Variants in SGCZ observed in about 807,000 individuals in gnomAD.
SGCZ encodes zeta-sarcoglycan.
SGCZ carries 40 observed loss-of-function variants against 41.3 expected under a neutral mutation model. The ratio of observed to expected loss-of-function variants is 0.97; its 90% confidence interval spans 0.75 to 1.26. SGCZ has a LOEUF of 1.26. SGCZ is among the 50% of genes most tolerant of loss of function. The pLI, the probability that SGCZ is intolerant of heterozygous loss-of-function variation, is 0.00. For missense variants in SGCZ, 552 were observed against 369.8 expected, an observed-to-expected ratio of 1.49 and a Z score of -4.04; for synonymous variants, 206 against 137.5, an observed-to-expected ratio of 1.50 and a Z score of -3.49.
intron 2 of SGCZ, among the ~76,000 whole-genome samples, chr8:14,394,549 G>A (rs1585447319): frequency 6.6e-6 from 1 of 152,214 alleles, no homozygotes; most frequent in South Asian, 2.1e-4. Context: ...TGATTCCTGA[G>A]ATCATGGTTG....
At chr8:15,015,087 G>T (rs2130932578) in intron 1 of SGCZ, among the ~76,000 whole-genome samples, 1 of 152,036 alleles carries the variant, frequency 6.6e-6, no homozygotes, top group East Asian at 2.0e-4. Context: ...ACTAAAAAAT[G>T]CAAAAATTAC....
At chr8:14,213,019 C>A (rs2117100171) in intron 4 of SGCZ, among the ~76,000 whole-genome samples, 1 of 151,842 alleles carries the variant, frequency 6.6e-6, no homozygotes, top group South Asian at 2.1e-4. Context: ...TTACTCAGTA[C>A]AACAAAAAAG....
At chr8:14,230,763 T>TGGGGG (rs199840948) in intron 4 of SGCZ, among the ~76,000 whole-genome samples, 1 of 126,696 alleles carries the variant, frequency 7.9e-6, no homozygotes, top group Non-Finnish European at 1.8e-5. Flanking sequence ...TTTTTGGTGG[T>TGGGGG]GGTGGGGGGG....
chr8:14,996,212 C>T (rs909841692), intron 1 of SGCZ, among the ~76,000 whole-genome samples: 9 of 151,986 alleles, frequency 5.9e-5, no homozygotes, highest in East Asian at 1.9e-4. Flanking sequence ...CACTTATTTG[C>T]TTTTATGTCA....
At chr8:14,351,771 G>T (rs1206317894) in intron 2 of SGCZ, among the ~76,000 whole-genome samples, 1 of 151,894 alleles carries the variant, frequency 6.6e-6, no homozygotes, top group African/African-American at 2.4e-5. Flanking sequence ...TGACTGATTT[G>T]TTCAAATGTC....
intron 5 of SGCZ, among the ~76,000 whole-genome samples, chr8:14,123,231 T>A (rs563266041): frequency 1.2e-4 from 18 of 152,230 alleles, no homozygotes; most frequent in Non-Finnish European, 1.9e-4. Flanking sequence ...TGAAAGTTTG[T>A]TTTGATTCAC....
intron 2 of SGCZ, among the ~76,000 whole-genome samples, chr8:14,334,683 A>G (rs951359147): frequency 6.6e-6 from 1 of 152,018 alleles, no homozygotes; most frequent in African/African-American, 2.4e-5. Context: ...CTGAAAAGAG[A>G]GTTCTGATAT....
intron 3 of SGCZ, among the ~76,000 whole-genome samples, chr8:14,310,576 C>T (rs770336381): frequency 6.6e-6 from 1 of 151,934 alleles, no homozygotes; most frequent in Non-Finnish European, 1.5e-5. Flanking sequence ...CCTTGTATTA[C>T]TTAGGTTATT....
At chr8:14,202,815 G>A (rs1258231820) in intron 4 of SGCZ, among the ~76,000 whole-genome samples, 3 of 152,104 alleles carry the variant, frequency 2.0e-5, no homozygotes, top group Non-Finnish European at 4.4e-5. Flanking sequence ...TTTACCTAAA[G>A]TCTTAATATT....
At chr8:15,041,900 G>A (rs1286184088) in intron 1 of SGCZ, among the ~76,000 whole-genome samples, 3 of 152,064 alleles carry the variant, frequency 2.0e-5, no homozygotes, top group Non-Finnish European at 2.9e-5. Flanking sequence ...TTTAGGTCTG[G>A]TCCTGAGTCC....
chr8:15,052,560 C>A (rs1206632566), intron 1 of SGCZ, among the ~76,000 whole-genome samples: 2 of 151,996 alleles, frequency 1.3e-5, no homozygotes, highest in Non-Finnish European at 2.9e-5. Flanking sequence ...TTGAGGGTGG[C>A]TTTCTAGTCT....
chr8:14,334,486 T>C (rs1802442471), intron 2 of SGCZ, among the ~76,000 whole-genome samples: 1 of 152,152 alleles, frequency 6.6e-6, no homozygotes, highest in Admixed American at 6.6e-5. Context: ...ACTACAGGTA[T>C]AGAACATGTT....
chr8:14,739,209 A>T (rs781533724), intron 1 of SGCZ, among the ~76,000 whole-genome samples: 1 of 152,082 alleles, frequency 6.6e-6, no homozygotes, highest in Non-Finnish European at 1.5e-5. Context: ...TTTAAGAGTC[A>T]TTATGATAAA....
chr8:15,223,850 T>A (rs1043458088), intron 1 of SGCZ, among the ~76,000 whole-genome samples: 1 of 140,340 alleles, frequency 7.1e-6, no homozygotes, highest in African/African-American at 2.7e-5. Flanking sequence ...AAGCTCCTTT[T>A]TAAATTTTTA....
intron 1 of SGCZ, among the ~76,000 whole-genome samples, chr8:14,983,474 G>A (rs1250656011): frequency 6.6e-6 from 1 of 151,784 alleles, no homozygotes; most frequent in African/African-American, 2.4e-5. Context: ...CTACCTCCTG[G>A]GCTTGAGTGG....
intron 2 of SGCZ, among the ~76,000 whole-genome samples, chr8:14,394,955 T>C (rs903070297): frequency 1.3e-5 from 2 of 152,194 alleles, no homozygotes; most frequent in African/African-American, 2.4e-5. Context: ...CATTACTTAC[T>C]AGATGGTGAC....
At chr8:14,136,102 A>G (rs1267983090) in intron 5 of SGCZ, among the ~76,000 whole-genome samples, 2 of 152,208 alleles carry the variant, frequency 1.3e-5, no homozygotes, top group Admixed American at 1.3e-4. Context: ...AATAAAATCT[A>G]GCAATAGATA....
chr8:14,433,346 AT>A (rs1219046586), intron 2 of SGCZ, among the ~76,000 whole-genome samples: 1 of 152,230 alleles, frequency 6.6e-6, no homozygotes, highest in Non-Finnish European at 1.5e-5. Context: ...TATTAGTGAT[AT>A]ACGGATAATT....
At chr8:14,926,646 T>C (rs1306040369) in intron 1 of SGCZ, among the ~76,000 whole-genome samples, 1 of 151,874 alleles carries the variant, frequency 6.6e-6, no homozygotes. Flanking sequence ...TGTGTGTGGT[T>C]TTTTTTTGTT....
Sources: allele counts gnomAD v4.1 joint callset (sites outside exome capture counted in the v4.1 genomes callset), GRCh38; gene constraint gnomAD v4.1.1; transcripts MANE v1.5; gene names NCBI Gene and HGNC (gene_info 2026-07-23, HGNC 2026-07-21).